SOX6: variants seen among roughly 807,000 people sequenced by gnomAD.
SOX6 encodes the protein transcription factor SOX-6.
SOX6 carries 11 observed loss-of-function variants against 97.8 expected under a neutral mutation model. The ratio of observed to expected loss-of-function variants is 0.11; its 90% CI spans 0.07 to 0.19. SOX6 has a LOEUF of 0.19. Ranked by LOEUF, SOX6 falls within the 10% of genes least tolerant of loss-of-function variation. The pLI, the probability that SOX6 is intolerant of heterozygous loss-of-function variation, is 1.00. For missense variants in SOX6, 810 were observed against 1,039.5 expected, an observed-to-expected ratio of 0.78 and a Z score of 3.04; for synonymous variants, 360 against 371.4, an observed-to-expected ratio of 0.97 and a Z score of 0.35.
At chr11:16,073,467 T>C (rs1052840227) in intron 9 of SOX6, among the ~76,000 whole-genome samples, 3 of 152,224 alleles carry the variant, frequency 2.0e-5, no homozygotes, top group Non-Finnish European at 4.4e-5. Context: ...TAGAGACCTA[T>C]GAAGAGAGTT....
chr11:16,031,225 T>C (rs1318299715), intron 12 of SOX6, among the ~76,000 whole-genome samples: 1 of 152,196 alleles, frequency 6.6e-6, no homozygotes, highest in East Asian at 1.9e-4. Context: ...GCTTCATTTG[T>C]CAAACTTTAC....
At chr11:16,370,766 CCTTT>C (rs1253661749) in intron 1 of SOX6, among the ~76,000 whole-genome samples, 4 of 152,094 alleles carry the variant, frequency 2.6e-5, no homozygotes, top group Non-Finnish European at 4.4e-5. Context: ...ATCCTTGATT[CCTTT>C]CTTTCTATCA....
intron 1 of SOX6, among the ~76,000 whole-genome samples, chr11:16,422,108 GA>G (rs1859031451): frequency 6.6e-6 from 1 of 152,112 alleles, no homozygotes; most frequent in South Asian, 2.1e-4. Flanking sequence ...AAGGACATAC[GA>G]AAAAAATAAA....
At position 16,076,735 on chromosome 11, in the gene SOX6, A is replaced by ATTTTTTTT. The variant is rs1156737950; in HGVS notation, c.1101+19253_1101+19260dup. Among the ~76,000 whole-genome samples the ATTTTTTTT allele has an allele frequency of 1.8e-4, 17 of 94,152 alleles. 3 individuals carry two copies. The highest frequency in any genetic ancestry group is 1.7e-3 in the East Asian group (4 of 2,314). 61.8% of individuals were successfully genotyped at this position (94,152 alleles called of 152,430 possible). ...GAGAGAGAAGGGGGAGGTACTACAC[A>ATTTTTTTT]TTTTTTTTTTTTTTTTTTTTTTTTT... is the stretch of plus-strand genomic sequence containing the variant. On this transcript the variant is annotated intron_variant, in intron 9 of 15. Coordinates refer to ENST00000683767, the MANE Select transcript of SOX6 (RefSeq NM_001367873.1).
chr11:16,495,949 C>T (rs1269364725), intron 4 of SOX6, among the ~76,000 whole-genome samples: 1 of 152,206 alleles, frequency 6.6e-6, no homozygotes, highest in Non-Finnish European at 1.5e-5. Context: ...GCCTAAGCCA[C>T]TGAGGAAATC....
chr11:16,641,292 G>A (rs926229030), intron 3 of SOX6, among the ~76,000 whole-genome samples: 1 of 152,124 alleles, frequency 6.6e-6, no homozygotes, highest in Non-Finnish European at 1.5e-5. Flanking sequence ...TTTAATTTCT[G>A]TTCTTTTGCA....
At chr11:16,609,298 G>C (rs989500725) in intron 4 of SOX6, among the ~76,000 whole-genome samples, 5 of 152,302 alleles carry the variant, frequency 3.3e-5, no homozygotes, top group South Asian at 4.1e-4. Context: ...TGAGGTCAGT[G>C]GAAAGTCAAA....
intron 1 of SOX6, among the ~76,000 whole-genome samples, chr11:16,352,250 TGATGGATGGATG>T (rs3030887): frequency 3.9e-4 from 58 of 147,498 alleles, no homozygotes; most frequent in African/African-American, 6.2e-4. Flanking sequence ...AATGGGCAGA[TGATGGATGGATG>T]GATGGATGGA....
At chr11:16,620,535 C>T (rs1848531303) in intron 3 of SOX6, among the ~76,000 whole-genome samples, 1 of 152,194 alleles carries the variant, frequency 6.6e-6, no homozygotes, top group South Asian at 2.1e-4. Flanking sequence ...TCCTGAGTAG[C>T]TGGGACTACA....
intron 3 of SOX6, among the ~76,000 whole-genome samples, chr11:16,308,963 A>C (rs1355276557): frequency 1.3e-5 from 2 of 152,212 alleles, no homozygotes; most frequent in African/African-American, 4.8e-5. Context: ...AGTGATGAAG[A>C]AAAGCCTGTA....
intron 10 of SOX6, among the ~76,000 whole-genome samples, chr11:16,055,193 C>T (rs1345815611): frequency 6.6e-5 from 10 of 151,324 alleles, no homozygotes; most frequent in Admixed American, 5.3e-4. Flanking sequence ...TGTCCCATTG[C>T]CCTCATTGTA....
chr11:16,703,098 T>G (rs899475198), intron 3 of SOX6, among the ~76,000 whole-genome samples: 3 of 151,862 alleles, frequency 2.0e-5, no homozygotes, highest in Non-Finnish European at 2.9e-5. Flanking sequence ...GTATCTTATA[T>G]GTTTGTACTT....
chr11:16,337,910 T>C (rs1047123910), intron 2 of SOX6, among the ~76,000 whole-genome samples: 5 of 152,114 alleles, frequency 3.3e-5, no homozygotes, highest in African/African-American at 1.2e-4. Flanking sequence ...ATCAGAATTT[T>C]CACATTTAAA....
Position 15,978,903 on chromosome 11 carries a change from AAT to A in SOX6, c.2184-5793_2184-5792del, listed in dbSNP as rs535767295. Among the ~76,000 whole-genome samples the A allele has an allele frequency of 2.3e-3, 325 of 138,530 alleles. 1 individual carries two copies. Among genetic ancestry groups the A allele is most frequent in the Middle Eastern group, 0.015 (4 of 270 alleles). 90.9% of individuals were successfully genotyped at this position (138,530 alleles called of 152,430 possible). On this transcript the variant is annotated intron_variant, in intron 15 of 15. Coordinates refer to ENST00000683767, the MANE Select transcript of SOX6 (RefSeq NM_001367873.1). ...ATTATATATAATATATATTATATAT[AAT>A]ATATATAAGCATTATATATTATATA...
intron 3 of SOX6, among the ~76,000 whole-genome samples, chr11:16,628,185 T>C (rs1219685941): frequency 2.0e-5 from 3 of 152,226 alleles, no homozygotes; most frequent in Non-Finnish European, 4.4e-5. Context: ...CATGCTGTTT[T>C]GGTTACTGTA....
chr11:16,285,465 C>T (rs571306496), intron 3 of SOX6, among the ~76,000 whole-genome samples: 9 of 152,126 alleles, frequency 5.9e-5, no homozygotes, highest in African/African-American at 1.9e-4. Context: ...ACCCAGGAGG[C>T]GGAGGTGGCA....
At chr11:16,224,831 T>C (rs988128230) in intron 4 of SOX6, among the ~76,000 whole-genome samples, 2 of 152,042 alleles carry the variant, frequency 1.3e-5, no homozygotes, top group Non-Finnish European at 2.9e-5. Context: ...GGGGGAATAT[T>C]AAGTTTCCAC....
At chr11:16,662,020 C>T (rs951368380) in intron 3 of SOX6, among the ~76,000 whole-genome samples, 14 of 152,100 alleles carry the variant, frequency 9.2e-5, no homozygotes, top group Admixed American at 2.6e-4. Flanking sequence ...GTTGCTATTA[C>T]GTTAAATGAA....
rs183488941 is a variant in SOX6, at chr11:16,709,144, T to A, written n.429+5686A>T. Reference sequence around the variant, plus strand: ...AGGGGCCTGGTGGGAGGTGATTGCATCATTGGAGCGGATCTCTCATGAATG... The same window carrying A: ...AGGGGCCTGGTGGGAGGTGATTGCAACATTGGAGCGGATCTCTCATGAATG... On this transcript the variant is annotated intron_variant and non_coding_transcript_variant, in intron 3 of 5. Coordinates refer to the SOX6 transcript ENST00000524520. 1.2e-4 allele frequency among the ~76,000 whole-genome samples: 19 copies of A among 152,324 alleles called. No homozygotes were observed. The East Asian group carries it at 2.5e-3, about 20-fold the overall frequency.
Sources: gnomAD v4.1 joint callset for allele counts (sites outside exome capture counted in the v4.1 genomes callset) on GRCh38, gnomAD v4.1.1 for gene constraint, MANE v1.5 for transcripts, NCBI Gene and HGNC (gene_info 2026-07-23, HGNC 2026-07-21) for gene names.